The following SEMA6D variants were observed in gnomAD, a reference collection of about 807,000 sequenced individuals.
SEMA6D encodes semaphorin 6D, also known as semaphorin-6D.
A neutral mutation model predicts 106.6 loss-of-function variants in SEMA6D; 35 were observed. The ratio of observed to expected loss-of-function variants is 0.33; its 90% CI spans 0.25 to 0.44. The LOEUF (loss-of-function observed/expected upper bound fraction) is 0.44. SEMA6D is among the 20% of genes least tolerant of loss of function. The probability of loss-of-function intolerance (pLI) is 1.00; values close to 1 mark genes in which losing one functional copy is unlikely to be tolerated. For synonymous variants in SEMA6D, 499 were observed against 487.7 expected (o/e 1.02, Z -0.31); for missense variants, 1,185 against 1,345.9 (o/e 0.88, Z 1.87).
At chr15:47,551,966 A>T (rs1172176108) in intron 3 of SEMA6D, among the ~76,000 whole-genome samples, 1 of 152,152 alleles carries the variant, frequency 6.6e-6, no homozygotes, top group African/African-American at 2.4e-5. Flanking sequence ...AGAGCTACCA[A>T]ATTAAAAGTG....
At chr15:47,410,884 G>C (rs1393115835) in intron 1 of SEMA6D, among the ~76,000 whole-genome samples, 5 of 152,118 alleles carry the variant, frequency 3.3e-5, no homozygotes, top group Non-Finnish European at 7.4e-5. Context: ...TTTGGTCTTT[G>C]AAATGGTGAA....
At chr15:47,391,847 A>C (rs1302408203) in intron 1 of SEMA6D, among the ~76,000 whole-genome samples, 1 of 152,092 alleles carries the variant, frequency 6.6e-6, no homozygotes, top group Non-Finnish European at 1.5e-5. Context: ...GAAAAATTGG[A>C]ATTGGAACCA....
chr15:47,250,969 G>A (rs1353481660), intron 1 of SEMA6D, among the ~76,000 whole-genome samples: 1 of 152,164 alleles, frequency 6.6e-6, no homozygotes, highest in Non-Finnish European at 1.5e-5. Context: ...TGCATTAAAA[G>A]GTTTTGGCAC....
intron 3 of SEMA6D, among the ~76,000 whole-genome samples, chr15:47,585,562 G>T (rs769416218): frequency 5.9e-5 from 9 of 152,092 alleles, no homozygotes; most frequent in Non-Finnish European, 1.2e-4. Flanking sequence ...AGAAAGACAG[G>T]CCACCTTTTC....
intron 1 of SEMA6D, among the ~76,000 whole-genome samples, chr15:47,218,777 A>C (rs1473423971): frequency 1.3e-5 from 2 of 150,270 alleles, no homozygotes; most frequent in Non-Finnish European, 2.9e-5. Context: ...ATGTTATCTC[A>C]TCTAACGGTC....
At chr15:47,338,833 T>C (rs988972371) in intron 1 of SEMA6D, among the ~76,000 whole-genome samples, 13 of 152,194 alleles carry the variant, frequency 8.5e-5, no homozygotes, top group Admixed American at 8.5e-4. Context: ...GACCTTCTCC[T>C]GTCGTCCTTT....
intron 1 of SEMA6D, among the ~76,000 whole-genome samples, chr15:47,323,492 A>G (rs936502206): frequency 3.9e-5 from 6 of 152,288 alleles, no homozygotes; most frequent in African/African-American, 9.6e-5. Context: ...TGTTTGGTCT[A>G]TGGGTGGGCT....
At chr15:47,574,964 G>T (rs775649570) in intron 3 of SEMA6D, among the ~76,000 whole-genome samples, 3 of 152,064 alleles carry the variant, frequency 2.0e-5, no homozygotes, top group Admixed American at 1.3e-4. Context: ...GGCTCAAATT[G>T]TAAAAATCAA....
At chr15:47,711,517 G>A (rs968849402) in intron 4 of SEMA6D, among the ~76,000 whole-genome samples, 1 of 152,046 alleles carries the variant, frequency 6.6e-6, no homozygotes, top group African/African-American at 2.4e-5. Flanking sequence ...ACTGGTGGAG[G>A]GAGCACTTCT....
intron 1 of SEMA6D, among the ~76,000 whole-genome samples, chr15:47,744,495 C>G (rs2081006088): frequency 1.3e-5 from 2 of 152,130 alleles, no homozygotes; most frequent in Admixed American, 6.5e-5. Flanking sequence ...GTGGGACCAC[C>G]TCACCCCTGG....
chr15:47,641,208 CA>C (rs2077483073), intron 4 of SEMA6D, among the ~76,000 whole-genome samples: 1 of 151,312 alleles, frequency 6.6e-6, no homozygotes, highest in African/African-American at 2.4e-5. Flanking sequence ...TGGCCATGGC[CA>C]GCAGCAGGAC....
chr15:47,210,955 G>T (rs1040148), intron 1 of SEMA6D, among the ~76,000 whole-genome samples: 64,223 of 151,528 alleles, frequency 0.42, 14,667 homozygotes, highest in African/African-American at 0.58. Flanking sequence ...TGGATATAAT[G>T]TCAATGCTCA....
chr15:47,373,991 G>A (rs1441251095), intron 1 of SEMA6D, among the ~76,000 whole-genome samples: 1 of 152,138 alleles, frequency 6.6e-6, no homozygotes, highest in Non-Finnish European at 1.5e-5. Context: ...CCATATAATG[G>A]CTAAACACTG....
intron 4 of SEMA6D, among the ~76,000 whole-genome samples, chr15:47,641,706 T>G (rs781621338): frequency 6.6e-6 from 1 of 152,180 alleles, no homozygotes; most frequent in African/African-American, 2.4e-5. Flanking sequence ...CATATTTGCC[T>G]TTACACCTCT....
At chr15:47,665,003 T>C (rs2077997063) in intron 4 of SEMA6D, among the ~76,000 whole-genome samples, 1 of 152,180 alleles carries the variant, frequency 6.6e-6, no homozygotes, top group Non-Finnish European at 1.5e-5. Context: ...GGGGGCGTGG[T>C]TAACAATTCC....
chr15:47,329,477 A>G (rs1451784208), intron 1 of SEMA6D, among the ~76,000 whole-genome samples: 1 of 152,228 alleles, frequency 6.6e-6, no homozygotes, highest in African/African-American at 2.4e-5. Context: ...TTCTGGCCTC[A>G]TTACCTCAAG....
chr15:47,575,969 G>C (rs1393329075), intron 3 of SEMA6D, among the ~76,000 whole-genome samples: 14 of 152,172 alleles, frequency 9.2e-5, no homozygotes, highest in Non-Finnish European at 2.1e-4. Flanking sequence ...TGGAAAAGGA[G>C]CCACGATAGA....
intron 1 of SEMA6D, among the ~76,000 whole-genome samples, chr15:47,311,664 C>T (rs1411122230): frequency 6.6e-6 from 1 of 151,910 alleles, no homozygotes. Flanking sequence ...AACTTTGGGT[C>T]TCATTAAAAT....
chr15:47,760,047 C>A, intron 2 of SEMA6D, 140 bp downstream of exon 2: 3 of 717,418 alleles, frequency 4.2e-6, no homozygotes, highest in Non-Finnish European at 6.9e-6. Context: ...TATCAGTAAT[C>A]ATTTCCTAGT....
Sources: gnomAD v4.1 joint callset for allele counts (sites outside exome capture counted in the v4.1 genomes callset) on GRCh38, gnomAD v4.1.1 for gene constraint, MANE v1.5 for transcripts, NCBI Gene and HGNC (gene_info 2026-07-23, HGNC 2026-07-21) for gene names.